The following ARHGAP24 variants were observed in gnomAD, a reference collection of about 807,000 sequenced individuals.
ARHGAP24 encodes the protein rho GTPase-activating protein 24.
In ARHGAP24, 50 loss-of-function variants were observed where a neutral mutation model predicts 76.4. The observed-to-expected ratio is 0.65, with a 90% CI of 0.52 to 0.83. The LOEUF is 0.83. Ranked by LOEUF, ARHGAP24 falls within the 40% of genes least tolerant of loss-of-function variation. The pLI, the probability that ARHGAP24 is intolerant of heterozygous loss-of-function variation, is 0.00. For missense variants in ARHGAP24, 930 were observed against 914.2 expected (o/e 1.02, Z -0.22); for synonymous variants, 345 against 323.3 (o/e 1.07, Z -0.72).
At chr4:85,992,311 G>T (rs1320312305) in intron 8 of ARHGAP24, 2 of 389,162 alleles carry the variant, frequency 5.1e-6, no homozygotes, top group Non-Finnish European at 9.1e-6. Flanking sequence ...GCCATTTATT[G>T]TCCCAGAGAC....
chr4:85,598,487 G>T (rs1719915047), intron 2 of ARHGAP24, among the ~76,000 whole-genome samples: 1 of 152,022 alleles, frequency 6.6e-6, no homozygotes, highest in South Asian at 2.1e-4. Flanking sequence ...AGCTGAAAGT[G>T]CATGTGTGTT....
chr4:85,919,624 G>C (rs1735614645), intron 3 of ARHGAP24, among the ~76,000 whole-genome samples: 1 of 152,174 alleles, frequency 6.6e-6, no homozygotes, highest in African/African-American at 2.4e-5. Context: ...TTCAGGGTCA[G>C]ACACGCAGCA....
At chr4:85,999,637 T>TA (rs1348713072) in intron 9 of ARHGAP24, among the ~76,000 whole-genome samples, 3 of 152,172 alleles carry the variant, frequency 2.0e-5, no homozygotes, top group Non-Finnish European at 4.4e-5. Flanking sequence ...AGATACATCT[T>TA]AAATAAAGAT....
At chr4:85,743,233 A>G (rs1725890265) in intron 3 of ARHGAP24, among the ~76,000 whole-genome samples, 1 of 151,920 alleles carries the variant, frequency 6.6e-6, no homozygotes, top group African/African-American at 2.4e-5. Context: ...TTAAGAAGAT[A>G]TTTAGGGGAA....
chr4:85,724,977 A>C (rs1338776808), intron 3 of ARHGAP24, among the ~76,000 whole-genome samples: 1 of 152,204 alleles, frequency 6.6e-6, no homozygotes, highest in Non-Finnish European at 1.5e-5. Context: ...TGAGAAAGAA[A>C]GATTGGCAAA....
chr4:85,830,366 C>G (rs1578270578), intron 3 of ARHGAP24, among the ~76,000 whole-genome samples: 2 of 152,308 alleles, frequency 1.3e-5, no homozygotes, highest in South Asian at 4.1e-4. Flanking sequence ...GGCTACCAGG[C>G]AGCAAGGGCC....
chr4:85,965,874 T>A (rs1738563537), intron 5 of ARHGAP24, among the ~76,000 whole-genome samples: 1 of 152,176 alleles, frequency 6.6e-6, no homozygotes, highest in Non-Finnish European at 1.5e-5. Context: ...CAATAACATT[T>A]CATTACCTGG....
intron 4 of ARHGAP24, among the ~76,000 whole-genome samples, chr4:85,937,869 C>T (rs769241422): frequency 6.6e-6 from 1 of 152,194 alleles, no homozygotes; most frequent in Non-Finnish European, 1.5e-5. Flanking sequence ...GACAGAGTCA[C>T]ATACTTCACT....
At chr4:85,784,983 C>G (rs1727761945) in intron 3 of ARHGAP24, among the ~76,000 whole-genome samples, 1 of 151,810 alleles carries the variant, frequency 6.6e-6, no homozygotes, top group African/African-American at 2.4e-5. Flanking sequence ...ATCTGCTTTC[C>G]TATCTAGATA....
chr4:85,992,449 G>T (rs1740392932), intron 8 of ARHGAP24, among the ~76,000 whole-genome samples: 1 of 152,018 alleles, frequency 6.6e-6, no homozygotes, highest in African/African-American at 2.4e-5. Flanking sequence ...GAGACCTTAA[G>T]GATGTTGCTC....
At chr4:85,687,578 A>G (rs1254222280) in intron 2 of ARHGAP24, among the ~76,000 whole-genome samples, 2 of 152,198 alleles carry the variant, frequency 1.3e-5, no homozygotes. Context: ...TTCATATTGC[A>G]GCAAAGGAAA....
chr4:85,815,053 A>T (rs1004954000), intron 3 of ARHGAP24, among the ~76,000 whole-genome samples: 11 of 152,068 alleles, frequency 7.2e-5, no homozygotes, highest in Admixed American at 5.2e-4. Context: ...CGAGCTCTAC[A>T]TTGGCACCTT....
intron 3 of ARHGAP24, among the ~76,000 whole-genome samples, chr4:85,918,603 T>A (rs1054463318): frequency 1.3e-5 from 2 of 152,152 alleles, no homozygotes; most frequent in Admixed American, 1.3e-4. Context: ...TATTACACAT[T>A]TCTTAGTCTA....
chr4:85,873,716 A>G (rs1732667225), intron 3 of ARHGAP24, among the ~76,000 whole-genome samples: 1 of 152,074 alleles, frequency 6.6e-6, no homozygotes, highest in Non-Finnish European at 1.5e-5. Flanking sequence ...ATTTCAGTAT[A>G]CCCATCTTAT....
At chr4:85,502,327 T>C (rs1723854878) in intron 1 of ARHGAP24, among the ~76,000 whole-genome samples, 1 of 152,222 alleles carries the variant, frequency 6.6e-6, no homozygotes, top group South Asian at 2.1e-4. Flanking sequence ...ATGGCCATTT[T>C]CATGATATTG....
At chr4:85,552,152 G>A (rs1054464619) in intron 1 of ARHGAP24, among the ~76,000 whole-genome samples, 17 of 151,998 alleles carry the variant, frequency 1.1e-4, no homozygotes, top group Admixed American at 3.9e-4. Flanking sequence ...TTTCCATGTG[G>A]GCATTTAGCA....
intron 2 of ARHGAP24, among the ~76,000 whole-genome samples, chr4:85,686,830 C>T (rs1723440728): frequency 7.1e-6 from 1 of 140,354 alleles, no homozygotes; most frequent in Non-Finnish European, 1.6e-5. Context: ...ACAATTATAA[C>T]ATTGTATTAG....
At chr4:85,958,049 A>G (rs1738026395) in intron 5 of ARHGAP24, among the ~76,000 whole-genome samples, 1 of 152,226 alleles carries the variant, frequency 6.6e-6, no homozygotes, top group African/African-American at 2.4e-5. Context: ...ATTATTGGGC[A>G]TATCTATCAG....
At chr4:85,615,430 A>G (rs1337541720) in intron 2 of ARHGAP24, among the ~76,000 whole-genome samples, 1 of 152,136 alleles carries the variant, frequency 6.6e-6, no homozygotes, top group Non-Finnish European at 1.5e-5. Context: ...AGCTATAATG[A>G]ATGTAATTTA....
Sources: gnomAD v4.1 joint callset for allele counts (sites outside exome capture counted in the v4.1 genomes callset) on GRCh38, gnomAD v4.1.1 for gene constraint, MANE v1.5 for transcripts, NCBI Gene and HGNC (gene_info 2026-07-23, HGNC 2026-07-21) for gene names.